Variants in TENM4 observed in about 807,000 individuals in gnomAD.
The protein encoded by TENM4 is teneurin transmembrane protein 4, also known as teneurin-4.
Under a neutral mutation model 243.3 loss-of-function variants are expected in TENM4, and 82 were observed. The observed-to-expected ratio is 0.34, with a 90% CI of 0.28 to 0.40. The LOEUF (loss-of-function observed/expected upper bound fraction) is 0.40. TENM4 is among the 10% of genes least tolerant of loss of function. The pLI is 1.00. For missense variants in TENM4, 3,138 were observed against 3,673.3 expected, an observed-to-expected ratio of 0.85 and a Z score of 3.77; for synonymous variants, 1,412 against 1,456.3, an observed-to-expected ratio of 0.97 and a Z score of 0.69.
At chr11:79,276,356 AG>A (rs1363770942) in intron 2 of TENM4, among the ~76,000 whole-genome samples, 4 of 152,370 alleles carry the variant, frequency 2.6e-5, no homozygotes, top group African/African-American at 9.6e-5. Flanking sequence ...GCCTGGAGGA[AG>A]GGCATTGTCT....
intron 6 of TENM4, among the ~76,000 whole-genome samples, chr11:79,050,893 T>A (rs1028295852): frequency 1.3e-5 from 2 of 152,162 alleles, no homozygotes; most frequent in Admixed American, 1.3e-4. Context: ...TGGAGCCTTT[T>A]CACACTTGGT....
At position 78,877,791 on chromosome 11, in the gene TENM4, C is replaced by T. The variant is rs1302138465; in HGVS notation, c.1084+11994G>A. Reference sequence around the variant, plus strand: ...TCAGAAACTGCTTGGCCCTCAAATTCAACACATCTTGTTTGCCAGGGGGAA... The same window carrying T: ...TCAGAAACTGCTTGGCCCTCAAATTTAACACATCTTGTTTGCCAGGGGGAA... On this transcript the variant is annotated intron_variant, in intron 9 of 33. Transcript: ENST00000278550. Among the ~76,000 whole-genome samples the T allele has an allele frequency of 2.0e-5, 3 of 152,190 alleles. No individual in the cohort carries two copies. The East Asian group carries it at 5.8e-4, about 29-fold the overall frequency.
At position 79,219,765 on chromosome 11, in the gene TENM4, G is replaced by A. The variant is rs11824389; in HGVS notation, c.-264-3856C>T. The stretch of plus-strand genomic sequence containing the variant: ...CCAGTGCATCTCCTGGCTGTCCACC[G>A]GTATGTGGAGCTTGATCATTTCCTG... On this transcript the variant is annotated intron_variant, in intron 2 of 33. Transcript: ENST00000278550. 9.0e-4 allele frequency among the ~76,000 whole-genome samples: 137 copies of A among 152,296 alleles called. 1 individual carries two copies. Among genetic ancestry groups the A allele is most frequent in the African/African-American group, 3.0e-3 (126 of 41,568 alleles).
intron 15 of TENM4, 83 bp from the exon 16 acceptor site, chr11:78,787,166 GA>G (rs1856958147): frequency 2.8e-6 from 4 of 1,414,374 alleles, no homozygotes; most frequent in Non-Finnish European, 3.8e-6. Flanking sequence ...AGAGGAGAGA[GA>G]AAAACAACAA....
chr11:78,953,675 A>G (rs898237994), intron 6 of TENM4, among the ~76,000 whole-genome samples: 20 of 152,244 alleles, frequency 1.3e-4, no homozygotes, highest in Non-Finnish European at 4.4e-5. Context: ...TAAGTATTAT[A>G]AGTAATATAG....
chr11:79,135,017 T>G (rs550744801), intron 4 of TENM4, among the ~76,000 whole-genome samples: 105 of 152,196 alleles, frequency 6.9e-4, no homozygotes, highest in African/African-American at 2.2e-3. Context: ...ACTAAACAGC[T>G]TTTGCACAGC....
chr11:79,066,474 C>T (rs1032589575), intron 5 of TENM4, among the ~76,000 whole-genome samples: 12 of 152,138 alleles, frequency 7.9e-5, no homozygotes, highest in African/African-American at 2.7e-4. Context: ...CTGGTGTGTC[C>T]TAATTATCTG....
intron 1 of TENM4, among the ~76,000 whole-genome samples, chr11:79,356,865 T>C (rs1037521087): frequency 6.6e-6 from 1 of 152,218 alleles, no homozygotes; most frequent in African/African-American, 2.4e-5. Context: ...CAGCAATCGT[T>C]TCCACACTAT....
At chr11:79,247,331 C>T (rs767111657) in intron 2 of TENM4, among the ~76,000 whole-genome samples, 8 of 147,080 alleles carry the variant, frequency 5.4e-5, no homozygotes, top group South Asian at 2.2e-4. Context: ...GCAGGAGAAT[C>T]GCTTGAATCT....
At chr11:79,047,481 A>C (rs1030591494) in intron 6 of TENM4, among the ~76,000 whole-genome samples, 1 of 152,218 alleles carries the variant, frequency 6.6e-6, no homozygotes, top group African/African-American at 2.4e-5. Flanking sequence ...TGGTGCAATG[A>C]CAGCAGCTCC....
intron 22 of TENM4, among the ~76,000 whole-genome samples, chr11:78,729,152 CCCT>C (rs1030106464): frequency 2.6e-5 from 4 of 152,154 alleles, no homozygotes; most frequent in Admixed American, 2.0e-4. Flanking sequence ...CTTTTCAGGG[CCCT>C]TTGGTTCTGT....
intron 1 of TENM4, among the ~76,000 whole-genome samples, chr11:79,390,569 C>G (rs1467382462): frequency 1.3e-5 from 2 of 150,574 alleles, no homozygotes; most frequent in Admixed American, 1.3e-4. Context: ...GAAAGTGAAA[C>G]TAACCAAGAA....
chr11:79,284,966 G>A (rs912002524), intron 2 of TENM4, among the ~76,000 whole-genome samples: 7 of 152,078 alleles, frequency 4.6e-5, no homozygotes, highest in Non-Finnish European at 1.0e-4. Context: ...GGCCAGGCAC[G>A]GTGGCTCACG....
At position 78,658,389 on chromosome 11, in the gene TENM4, G is replaced by C; in HGVS notation, c.7979C>G (p.Thr2660Ser). The C allele has an allele frequency of 6.2e-7, 1 of 1,614,060 alleles. No homozygotes were observed. Among genetic ancestry groups the C allele is most frequent in the Non-Finnish European group, 8.5e-7 (1 of 1,179,898 alleles). ...SQINTVLNGR[T>S]RRYTDIQLQY... ...GAGCTGGATGTCTGTGTAGCGTCTA[G>C]TCCTGCCATTAAGTACTGTGTTGAT... The change falls in exon 34 of 34, where the codon ACT (threonine) becomes AGT (serine). Residue 2660 changes from threonine to serine, a missense_variant. Thr to Ser is a moderately conservative substitution (Grantham distance 58, BLOSUM62 1). This residue lies in a region of TENM4 where 2,467 missense variants were observed against 3,059.1 expected (regional missense o/e 0.81). Coordinates refer to ENST00000278550, the MANE Select transcript of TENM4 (RefSeq NM_001098816.3).
intron 1 of TENM4, among the ~76,000 whole-genome samples, chr11:79,360,416 T>A (rs1388992425): frequency 6.6e-6 from 1 of 152,212 alleles, no homozygotes; most frequent in Admixed American, 6.5e-5. Context: ...GCGTGTTGAT[T>A]CTGTTCACAT....
chr11:79,232,606 G>A (rs554640187), intron 2 of TENM4, among the ~76,000 whole-genome samples: 1 of 152,306 alleles, frequency 6.6e-6, no homozygotes, highest in African/African-American at 2.4e-5. Flanking sequence ...AAAACAATTC[G>A]CCATCCACAC....
intron 4 of TENM4, among the ~76,000 whole-genome samples, chr11:79,122,958 C>T (rs948762): frequency 0.13 from 19,068 of 152,180 alleles, 1,343 homozygotes; most frequent in Middle Eastern, 0.21. Flanking sequence ...CACCAATAAC[C>T]GGGAAGGGAA....
intron 16 of TENM4, 54 bp from the exon 17 acceptor site, chr11:78,778,682 G>T: frequency 6.5e-7 from 1 of 1,532,476 alleles, no homozygotes; most frequent in Non-Finnish European, 9.0e-7. Flanking sequence ...GTGCAATATC[G>T]CCTGCCACAT....
intron 6 of TENM4, chr11:79,021,794 T>A (rs1858936480): frequency 6.6e-6 from 1 of 152,208 alleles, no homozygotes; most frequent in Non-Finnish European, 1.5e-5. Context: ...GAGACACTCA[T>A]AGGTCTGGAG....
Sources: allele counts gnomAD v4.1 joint callset (sites outside exome capture counted in the v4.1 genomes callset), GRCh38; gene constraint gnomAD v4.1.1; regional missense constraint gnomAD v4.1.1; transcripts MANE v1.5; gene names NCBI Gene and HGNC (gene_info 2026-07-23, HGNC 2026-07-21).